The following HADH variants were observed in gnomAD, a reference collection of about 807,000 sequenced individuals.
The protein encoded by HADH is hydroxyacyl-coenzyme A dehydrogenase, mitochondrial.
HADH carries 24 observed loss-of-function variants against 32.2 expected under a neutral mutation model. That is an observed-to-expected ratio of 0.75 (90% CI 0.54 to 1.05). The LOEUF (loss-of-function observed/expected upper bound fraction) is 1.05. Among genes scored for constraint, HADH ranks in the 50% least tolerant of loss-of-function variants. The pLI is 0.00. For missense variants in HADH, 350 were observed against 397.1 expected (o/e 0.88, Z 1.01); for synonymous variants, 139 against 152.5 (o/e 0.91, Z 0.65).
intron 1 of HADH, chr4:108,005,049 C>A: frequency 1.7e-6 from 1 of 591,732 alleles, no homozygotes; most frequent in Admixed American, 3.3e-5. Flanking sequence ...TTCTTTTTTT[C>A]TTTCTTTCTT....
chr4:107,995,434 C>G (rs1197176389), intron 1 of HADH, among the ~76,000 whole-genome samples: 1 of 152,142 alleles, frequency 6.6e-6, no homozygotes, highest in East Asian at 1.9e-4. Flanking sequence ...CCCATCAGAC[C>G]TGATCTAGTG....
At position 108,009,753 on chromosome 4, in the gene HADH, C is replaced by T. The variant is rs748624931; in HGVS notation, c.133-6C>T. On this transcript the variant is annotated splice_polypyrimidine_tract_variant and splice_region_variant and intron_variant, in intron 1 of 7. Transcript: ENST00000309522. ...TTAAAAAGAAATTGTTCTTTTGTTG[C>T]TCTAGGTTGCTGCAGCAACTGGTCA... The T allele has an allele frequency of 2.5e-6, 4 of 1,613,230 alleles. No homozygotes were observed. Among genetic ancestry groups the T allele is most frequent in the Middle Eastern group, 1.7e-4 (1 of 6,060 alleles).
chr4:108,028,164 G>A, intron 6 of HADH: 1 of 269,530 alleles, frequency 3.7e-6, no homozygotes, highest in African/African-American at 2.2e-5. Context: ...ACTGACAGGT[G>A]ATTAGAAATA....
intron 6 of HADH, chr4:108,032,720 C>T (rs1350511200): frequency 6.0e-6 from 2 of 335,398 alleles, no homozygotes; most frequent in Non-Finnish European, 1.1e-5. Context: ...CTGTGGCTTA[C>T]ACCTGTAATC....
intron 7 of HADH, among the ~76,000 whole-genome samples, chr4:108,033,531 A>G (rs1736351340): frequency 6.6e-6 from 1 of 152,180 alleles, no homozygotes; most frequent in African/African-American, 2.4e-5. Context: ...GGAAGTTACA[A>G]ATATAGCACA....
Position 108,009,826 on chromosome 4 carries a change from A to G in HADH, c.200A>G (p.Lys67Arg). 6.2e-7 allele frequency: 1 copy of G among 1,612,386 alleles called. No homozygotes were observed. Among genetic ancestry groups the G allele is most frequent in the Non-Finnish European group, 8.5e-7 (1 of 1,178,398 alleles). Residue 67 changes from lysine to arginine, a missense_variant, in exon 2 of 8, where the codon AAA (lysine) becomes AGA (arginine). Coordinates refer to ENST00000309522, the MANE Select transcript of HADH (RefSeq NM_005327.7). ...ACAGAGGACATCCTGGCAAAATCCA[A>G]AAAGGGAATTGAGGAAAGCCTTAGG... ...DQTEDILAKS[K>R]KGIEESLRKV...
chr4:107,999,857 A>G (rs896410166), intron 1 of HADH, among the ~76,000 whole-genome samples: 3 of 152,226 alleles, frequency 2.0e-5, no homozygotes, highest in Non-Finnish European at 4.4e-5. Flanking sequence ...GAAAGTTATA[A>G]TAGTTTACAT....
chr4:108,018,781 T>A (rs1735781836), intron 3 of HADH, among the ~76,000 whole-genome samples: 1 of 152,180 alleles, frequency 6.6e-6, no homozygotes, highest in African/African-American at 2.4e-5. Flanking sequence ...AAGGTGGCGC[T>A]GCAGGAAAGC....
intron 6 of HADH, chr4:108,030,466 A>T (rs1274824482): frequency 6.6e-6 from 1 of 152,444 alleles, no homozygotes; most frequent in South Asian, 2.1e-4. Context: ...GCAGCTGCTG[A>T]TGAGTAAAAA....
intron 1 of HADH, among the ~76,000 whole-genome samples, chr4:108,001,627 G>A (rs1735122266): frequency 3.3e-5 from 5 of 152,122 alleles, no homozygotes; most frequent in Admixed American, 3.3e-4. Context: ...ACTGCAGATA[G>A]TACCAAATCC....
intron 2 of HADH, among the ~76,000 whole-genome samples, chr4:108,012,089 G>A (rs1339331900): frequency 3.3e-5 from 5 of 151,834 alleles, no homozygotes; most frequent in African/African-American, 1.2e-4. Context: ...TAGAGACAGA[G>A]TTGTACTGTG....
chr4:108,027,346 A>G (rs1736101308), intron 5 of HADH: 1 of 398,182 alleles, frequency 2.5e-6, no homozygotes, highest in African/African-American at 2.1e-5. Context: ...GATGAAACAG[A>G]TTCAGAGTGA....
intron 2 of HADH, 147 bp from the exon 3 acceptor site, chr4:108,014,284 G>A (rs1054066224): frequency 2.5e-5 from 20 of 802,322 alleles, no homozygotes; most frequent in Non-Finnish European, 3.8e-5. Flanking sequence ...ATAAATTACA[G>A]GCTTCGTGGA....
At position 108,021,097 on chromosome 4, in the gene HADH, G is replaced by A. The variant is rs1735871331; in HGVS notation, c.546+1431G>A. On this transcript the variant is annotated intron_variant, in intron 4 of 7. Transcript: ENST00000309522. ...TTTTGAAGAAATTGAAGAATGAAGGGGAGGGATTTGGGGAACAGAAGAAAC... is the reference window on the plus strand; with the variant it reads ...TTTTGAAGAAATTGAAGAATGAAGGAGAGGGATTTGGGGAACAGAAGAAAC... Among the ~76,000 whole-genome samples the A allele has an allele frequency of 3.3e-5, 5 of 152,220 alleles. No individual in the cohort carries two copies. The South Asian group carries it at 1.0e-3, about 32-fold the overall frequency.
In HADH at chr4:108,034,354, G is replaced by C. The variant is rs944103070; in HGVS notation, c.942G>C (p.Lys314Asn). The C allele has an allele frequency of 1.3e-6, 2 of 1,554,100 alleles. No individual in the cohort carries two copies. The highest frequency in any genetic ancestry group is 1.8e-6 in the Non-Finnish European group (2 of 1,125,254). Residue 314 changes from lysine (K) to asparagine (N), a missense_variant, in exon 8 of 8, where the codon AAG becomes AAC. Coordinates refer to ENST00000309522, the MANE Select transcript of HADH (RefSeq NM_005327.7). ...CTGGAGAAGGATTTTACAAATACAA[G>C]TGATGTGCAGCTTCTCCGGCTCTGA... ...KKTGEGFYKY[K>N]
At position 108,022,165 on chromosome 4, in the gene HADH, A is replaced by ATGTGTGTGTG. The variant is rs771719177; in HGVS notation, c.547-1308_547-1307insGTGTGTGTGT. ...ACTGGCCTTTACATTTTACATATAT[A>ATGTGTGTGTG]TATGTGTGTGTGTGTGTGTGTGTAT... On this transcript the variant is annotated intron_variant, in intron 4 of 7. Coordinates refer to ENST00000309522, the MANE Select transcript of HADH (RefSeq NM_005327.7). Among the ~76,000 whole-genome samples the ATGTGTGTGTG allele has an allele frequency of 2.5e-4, 30 of 121,280 alleles. 1 individual carries two copies. The highest frequency in any genetic ancestry group is 7.3e-4 in the African/African-American group (25 of 34,248). The allele number at this position is 121,280 out of a possible 152,430, so 79.6% of individuals were successfully genotyped here.
intron 1 of HADH, among the ~76,000 whole-genome samples, chr4:108,008,631 T>G (rs10008909): frequency 0.031 from 4,720 of 152,268 alleles, 233 homozygotes; most frequent in African/African-American, 0.1. Context: ...GTCATCTCCT[T>G]GTTCTTCTCT....
At chr4:108,026,584 G>C (rs1736076841) in intron 5 of HADH, 2 of 152,228 alleles carry the variant, frequency 1.3e-5, no homozygotes, top group Non-Finnish European at 2.9e-5. Flanking sequence ...CAATAGATGG[G>C]GTTAGGGCTT....
intron 2 of HADH, among the ~76,000 whole-genome samples, chr4:108,011,879 T>C (rs1735506427): frequency 6.6e-6 from 1 of 152,046 alleles, no homozygotes. Context: ...TATCTCATTG[T>C]GGTGTTTTTG....
Sources: gnomAD v4.1 joint callset for allele counts (sites outside exome capture counted in the v4.1 genomes callset) on GRCh38, gnomAD v4.1.1 for gene constraint, MANE v1.5 for transcripts, NCBI Gene and HGNC (gene_info 2026-07-23, HGNC 2026-07-21) for gene names.